The following SUSD4 variants were observed in gnomAD, a reference collection of about 807,000 sequenced individuals.
The protein encoded by SUSD4 is sushi domain containing 4.
A neutral mutation model predicts 50.5 loss-of-function variants in SUSD4; 41 were observed. The ratio of observed to expected loss-of-function variants is 0.81; its 90% CI spans 0.63 to 1.05. The LOEUF is 1.05. SUSD4 is among the 50% of genes least tolerant of loss of function. The pLI, the probability that SUSD4 is intolerant of heterozygous loss-of-function variation, is 0.00. For missense variants in SUSD4, 580 were observed against 634.7 expected (o/e 0.91, Z 0.93); for synonymous variants, 257 against 257.3 (o/e 1.00, Z 0.01).
At chr1:223,249,969 A>G (rs1234107085) in intron 5 of SUSD4, among the ~76,000 whole-genome samples, 1 of 152,204 alleles carries the variant, frequency 6.6e-6, no homozygotes. Context: ...AGACATAAGA[A>G]AATCAGTGGA....
chr1:223,317,214 G>C (rs1013163503), intron 2 of SUSD4, among the ~76,000 whole-genome samples: 1 of 152,152 alleles, frequency 6.6e-6, no homozygotes, highest in Admixed American at 6.5e-5. Flanking sequence ...CCAAGATGAC[G>C]ACAAGAGTGG....
intron 3 of SUSD4, 35 bp downstream of exon 3, chr1:223,292,404 C>T: frequency 1.2e-6 from 2 of 1,613,142 alleles, no homozygotes; most frequent in Non-Finnish European, 1.7e-6. Flanking sequence ...ACTTGAACCA[C>T]ATGAGTGGCT....
intron 2 of SUSD4, among the ~76,000 whole-genome samples, chr1:223,344,009 T>C (rs906999449): frequency 6.6e-6 from 1 of 152,194 alleles, no homozygotes. Flanking sequence ...ACTAAATGTA[T>C]GAGCACACAG....
chr1:223,289,423 G>T, intron 3 of SUSD4: 1 of 458,234 alleles, frequency 2.2e-6, no homozygotes, highest in Non-Finnish European at 2.9e-6. Context: ...TGTGAAAAGG[G>T]GGAATGGCTG....
At position 223,268,608 on chromosome 1, in the gene SUSD4, T is replaced by C. The variant is rs61737414; in HGVS notation, c.429A>G (p.Leu143=). 1 of 1,614,114 alleles carries C rather than the reference T, an allele frequency of 6.2e-7. No individual in the cohort carries two copies. Among genetic ancestry groups the C allele is most frequent in the African/African-American group, 1.3e-5 (1 of 75,054 alleles). Residue 143 remains leucine, a synonymous_variant, in exon 4 of 9, where the codon CTA becomes CTG. Transcript: ENST00000366878. ...TGAATCCTTCATGACAAGTGATGAT[T>C]AGCTTCTCTCCATGTCTATATGTCT... ...HNKTYRHGEK[L]IITCHEGFKI... is the part of the protein sequence containing the mutation.
rs561619732 is a variant in SUSD4 at position 223,332,408 on chromosome 1, G to C, written c.148+30870C>G. ...CAAAAGGATTAAATTGCTTTGGTGA[G>C]GTCTCTTACAAAAATTGGATATTTA... On this transcript the variant is annotated intron_variant, in intron 2 of 8. Transcript: ENST00000366878. The surrounding 1 kb of genome is among the most constrained non-coding windows in gnomAD (Gnocchi z 4.0). 6.6e-6 allele frequency among the ~76,000 whole-genome samples: 1 copy of C among 152,116 alleles called. No homozygotes were observed. Among genetic ancestry groups the C allele is most frequent in the African/African-American group, 2.4e-5 (1 of 41,420 alleles).
At chr1:223,235,765 A>G (rs995074471) in intron 5 of SUSD4, among the ~76,000 whole-genome samples, 16 of 152,202 alleles carry the variant, frequency 1.1e-4, no homozygotes, top group African/African-American at 3.6e-4. Flanking sequence ...CCATTCACCT[A>G]CTGAAGGACA....
chr1:223,347,313 T>C (rs562519715), intron 2 of SUSD4, among the ~76,000 whole-genome samples: 5 of 152,314 alleles, frequency 3.3e-5, no homozygotes, highest in African/African-American at 1.2e-4. Flanking sequence ...TTTCCAATAG[T>C]ACATTTTGTT....
chr1:223,309,415 G>A (rs1042426137), intron 2 of SUSD4, among the ~76,000 whole-genome samples: 2 of 152,074 alleles, frequency 1.3e-5, no homozygotes, highest in Admixed American at 6.5e-5. Context: ...CAGAGACCCC[G>A]GAGAGCTTCT....
At chr1:223,252,081 AG>A (rs1317601704) in intron 5 of SUSD4, among the ~76,000 whole-genome samples, 7 of 61,962 alleles carry the variant, frequency 1.1e-4, no homozygotes, top group Non-Finnish European at 1.7e-4. Flanking sequence ...GGGTGGGGGG[AG>A]GGGGGAGGGA....
At chr1:223,295,075 G>A (rs1354494736) in intron 2 of SUSD4, among the ~76,000 whole-genome samples, 1 of 152,106 alleles carries the variant, frequency 6.6e-6, no homozygotes, top group Non-Finnish European at 1.5e-5. Flanking sequence ...TGAGCCATGG[G>A]TTCCAGGCTC....
chr1:223,330,381 T>C (rs909461874), intron 2 of SUSD4, among the ~76,000 whole-genome samples: 3 of 152,218 alleles, frequency 2.0e-5, no homozygotes, highest in Non-Finnish European at 4.4e-5. Context: ...TCCCCAGGCC[T>C]TTCTTCTCTC....
chr1:223,293,640 C>G (rs186642449), intron 2 of SUSD4, among the ~76,000 whole-genome samples: 182 of 152,276 alleles, frequency 1.2e-3, no homozygotes, highest in Middle Eastern at 3.4e-3. Flanking sequence ...AAGGAGGATG[C>G]TGGTGTCTGG....
rs1159137203 is a variant in SUSD4, at chr1:223,264,704, T to C, written c.650A>G (p.Asp217Gly). 1 of 1,614,118 alleles carries C rather than the reference T, an allele frequency of 6.2e-7. No individual in the cohort carries two copies. The change falls in exon 5 of 9, where the codon GAT (aspartate) becomes GGT (glycine). Residue 217 changes from aspartate to glycine, a missense_variant. Asp to Gly is a moderately conservative substitution (Grantham distance 94, BLOSUM62 -1). Transcript: ENST00000366878. ...SYRCFPGFKLDGSAYLECLQN... is the reference protein window; with the variant it reads ...SYRCFPGFKLGGSAYLECLQN... ...TAAGCACTCAAGATACGCAGACCCA[T>C]CAAGTTTAAATCCGGGAAAGCAGCG...
At chr1:223,317,875 A>C (rs1407353166) in intron 2 of SUSD4, among the ~76,000 whole-genome samples, 1 of 51,548 alleles carries the variant, frequency 1.9e-5, no homozygotes, top group Non-Finnish European at 3.6e-5. Context: ...TTTTTATTAT[A>C]CTCTAAGTTT....
intron 2 of SUSD4, among the ~76,000 whole-genome samples, chr1:223,301,918 G>T (rs1240066850): frequency 2.6e-5 from 4 of 152,064 alleles, no homozygotes; most frequent in African/African-American, 9.7e-5. Flanking sequence ...AAAATCCCTT[G>T]CTCTTAGAAT....
At chr1:223,259,105 A>G (rs1661914346) in intron 5 of SUSD4, among the ~76,000 whole-genome samples, 1 of 152,168 alleles carries the variant, frequency 6.6e-6, no homozygotes, top group Admixed American at 6.5e-5. Context: ...AGGGGGACAG[A>G]GACTTTGCAC....
chr1:223,235,052 C>T (rs1338440944), intron 5 of SUSD4: 1 of 1,610,278 alleles, frequency 6.2e-7, no homozygotes, highest in South Asian at 1.1e-5. Flanking sequence ...AGCTGCCAAC[C>T]TGATGTGTGG....
intron 7 of SUSD4, among the ~76,000 whole-genome samples, chr1:223,224,080 G>A (rs1183369389): frequency 6.6e-6 from 1 of 152,222 alleles, no homozygotes; most frequent in African/African-American, 2.4e-5. Context: ...CAGGTGTGGT[G>A]GCTCACACCT....
Sources: gnomAD v4.1 joint callset for allele counts (sites outside exome capture counted in the v4.1 genomes callset) on GRCh38, gnomAD v4.1.1 for gene constraint, Gnocchi (gnomAD v3.1) non-coding constraint, MANE v1.5 for transcripts, NCBI Gene and HGNC (gene_info 2026-07-23, HGNC 2026-07-21) for gene names.